The following RORA variants were observed in gnomAD, a reference collection of about 807,000 sequenced individuals.
RORA encodes the protein nuclear receptor ROR-alpha.
In RORA, 7 loss-of-function variants were observed where a neutral mutation model predicts 69.5. The observed-to-expected ratio is 0.10, with a 90% CI of 0.06 to 0.19. RORA has a LOEUF of 0.19. RORA is among the 10% of genes least tolerant of loss of function. The probability of loss-of-function intolerance (pLI) is 1.00; values close to 1 mark genes in which losing one functional copy is unlikely to be tolerated. For synonymous variants in RORA, 261 were observed against 240.8 expected, an observed-to-expected ratio of 1.08 and a Z score of -0.78; for missense variants, 457 against 663.0, an observed-to-expected ratio of 0.69 and a Z score of 3.41.
At chr15:61,050,659 G>A (rs1178888957) in intron 1 of RORA, among the ~76,000 whole-genome samples, 1 of 152,162 alleles carries the variant, frequency 6.6e-6, no homozygotes, top group Non-Finnish European at 1.5e-5. Flanking sequence ...ACATACACAG[G>A]GCGCAGAGTC....
intron 1 of RORA, among the ~76,000 whole-genome samples, chr15:60,878,035 G>T (rs2073636849): frequency 6.6e-6 from 1 of 151,970 alleles, no homozygotes; most frequent in South Asian, 2.1e-4. Flanking sequence ...CCTAAATTAA[G>T]AATTTTCCAG....
At chr15:60,970,231 T>C (rs538861527) in intron 1 of RORA, among the ~76,000 whole-genome samples, 1 of 152,386 alleles carries the variant, frequency 6.6e-6, no homozygotes, top group African/African-American at 2.4e-5. Flanking sequence ...TGGATACTAA[T>C]GGTCCTATCT....
intron 1 of RORA, among the ~76,000 whole-genome samples, chr15:61,141,790 G>GC (rs1038681655): frequency 1.3e-5 from 2 of 152,162 alleles, no homozygotes; most frequent in African/African-American, 4.8e-5. Flanking sequence ...TCCTCAAATC[G>GC]CCCTGCAAAA....
intron 1 of RORA, among the ~76,000 whole-genome samples, chr15:60,696,204 T>C (rs939375814): frequency 6.6e-6 from 1 of 152,194 alleles, no homozygotes; most frequent in African/African-American, 2.4e-5. Context: ...GGAGCTGTCC[T>C]ATCAGCTCGC....
chr15:61,215,441 C>A (rs1185897128), intron 1 of RORA, among the ~76,000 whole-genome samples: 1 of 152,170 alleles, frequency 6.6e-6, no homozygotes, highest in Non-Finnish European at 1.5e-5. Flanking sequence ...GGTTCTCAGA[C>A]ATGGTAATAA....
At chr15:60,914,856 C>T (rs4378570) in intron 1 of RORA, among the ~76,000 whole-genome samples, 54,492 of 152,088 alleles carry the variant, frequency 0.36, 10,090 homozygotes, top group East Asian at 0.63. Context: ...TATCAGAGGA[C>T]ACCGGGGGTC....
chr15:60,567,659 C>T (rs1189848749), intron 2 of RORA, among the ~76,000 whole-genome samples: 1 of 152,100 alleles, frequency 6.6e-6, no homozygotes, highest in Non-Finnish European at 1.5e-5. Flanking sequence ...GATCCGCCTG[C>T]CTTGGCCTCT....
chr15:60,755,221 A>T (rs1259191969), intron 1 of RORA, among the ~76,000 whole-genome samples: 1 of 144,420 alleles, frequency 6.9e-6, no homozygotes, highest in Non-Finnish European at 1.5e-5. Flanking sequence ...ACCTATGAAT[A>T]AGAACATGTG....
intron 1 of RORA, among the ~76,000 whole-genome samples, chr15:60,895,854 T>C (rs887396818): frequency 6.6e-6 from 1 of 152,224 alleles, no homozygotes; most frequent in African/African-American, 2.4e-5. Context: ...AAGGCTTCAC[T>C]GCTCAATTTG....
At chr15:61,054,230 TGA>T (rs2078057997) in intron 1 of RORA, among the ~76,000 whole-genome samples, 3 of 151,534 alleles carry the variant, frequency 2.0e-5, no homozygotes, top group African/African-American at 7.3e-5. Flanking sequence ...TAGTTTTTCC[TGA>T]ACACAAGAGG....
intron 1 of RORA, chr15:61,182,796 A>G (rs1596054004): frequency 1.3e-5 from 2 of 152,358 alleles, no homozygotes; most frequent in African/African-American, 4.8e-5. Flanking sequence ...TATACCAATG[A>G]TATGATATGT....
rs562524578 is a variant in RORA at position 60,714,406 on chromosome 15, C to T, written c.167-35720G>A. ...TTTGAGATGGAGTCTTGCTCTGTCC[C>T]CCAGGCTAGAGTCAATGGTGCAATC... On this transcript the variant is annotated intron_variant, in intron 1 of 10. Coordinates refer to ENST00000335670, the MANE Select transcript of RORA (RefSeq NM_134261.3). Among the ~76,000 whole-genome samples, 183 of 150,586 alleles carry T rather than the reference C, an allele frequency of 1.2e-3. 1 individual carries two copies. Among genetic ancestry groups the T allele is most frequent in the Admixed American group, 3.0e-3 (45 of 15,044 alleles).
At chr15:60,973,675 G>A (rs1342047715) in intron 1 of RORA, among the ~76,000 whole-genome samples, 1 of 152,162 alleles carries the variant, frequency 6.6e-6, no homozygotes, top group African/African-American at 2.4e-5. Flanking sequence ...CACGACCCTT[G>A]TAGCCAGGCC....
At chr15:61,217,467 G>C (rs1322260929) in intron 1 of RORA, among the ~76,000 whole-genome samples, 3 of 152,114 alleles carry the variant, frequency 2.0e-5, no homozygotes, top group Admixed American at 6.5e-5. Context: ...GTGAGGCAGA[G>C]GAGGAGGGGA....
intron 2 of RORA, 74 bp downstream of exon 2, chr15:60,678,583 G>T (rs1319194272): frequency 1.7e-5 from 19 of 1,098,316 alleles, no homozygotes; most frequent in Non-Finnish European, 2.5e-5. Flanking sequence ...ATACTTGAAG[G>T]GTCACAGCAG....
At chr15:60,655,648 G>C (rs893873135) in intron 2 of RORA, among the ~76,000 whole-genome samples, 3 of 152,120 alleles carry the variant, frequency 2.0e-5, no homozygotes, top group African/African-American at 7.2e-5. Flanking sequence ...TACAGTAGAA[G>C]TCAGTCTCCT....
intron 1 of RORA, among the ~76,000 whole-genome samples, chr15:60,917,363 T>C (rs1891906715): frequency 6.6e-6 from 1 of 152,232 alleles, no homozygotes; most frequent in Non-Finnish European, 1.5e-5. Context: ...AATATAAATC[T>C]ATCATCCCTG....
chr15:60,762,216 T>A (rs549334392), intron 1 of RORA, among the ~76,000 whole-genome samples: 2 of 152,126 alleles, frequency 1.3e-5, no homozygotes, highest in African/African-American at 4.8e-5. Context: ...TCTAGGTGAG[T>A]CTTGTCAGAT....
chr15:60,766,338 T>TA (rs530231838), intron 1 of RORA, among the ~76,000 whole-genome samples: 18 of 151,112 alleles, frequency 1.2e-4, no homozygotes, highest in South Asian at 4.2e-4. Context: ...CCAAAATTAG[T>TA]AAAAAAAAAT....
Sources: allele counts gnomAD v4.1 joint callset (sites outside exome capture counted in the v4.1 genomes callset), GRCh38; gene constraint gnomAD v4.1.1; transcripts MANE v1.5; gene names NCBI Gene and HGNC (gene_info 2026-07-23, HGNC 2026-07-21).